CAP2: variants seen among roughly 807,000 people sequenced by gnomAD.
CAP2 encodes the protein adenylyl cyclase-associated protein 2.
CAP2 carries 24 observed loss-of-function variants against 57.7 expected under a neutral mutation model. The observed-to-expected ratio is 0.42, with a 90% CI of 0.30 to 0.58. The LOEUF (loss-of-function observed/expected upper bound fraction) is 0.58. Ranked by LOEUF, CAP2 falls within the 20% of genes least tolerant of loss-of-function variation. The pLI is 0.22. For missense variants in CAP2, 501 were observed against 590.3 expected (o/e 0.85, Z 1.57); for synonymous variants, 194 against 207.2 (o/e 0.94, Z 0.55).
At chr6:17,534,591 G>A (rs1486720685) in intron 7 of CAP2, among the ~76,000 whole-genome samples, 1 of 152,158 alleles carries the variant, frequency 6.6e-6, no homozygotes. Context: ...AACTCAGATT[G>A]TAAAGGATAC....
At chr6:17,538,285 C>CAA (rs796567154) in intron 7 of CAP2, among the ~76,000 whole-genome samples, 2 of 135,826 alleles carry the variant, frequency 1.5e-5, no homozygotes, top group African/African-American at 2.7e-5. Flanking sequence ...CCTCATCTCT[C>CAA]AAAAAAAAAA....
intron 4 of CAP2, among the ~76,000 whole-genome samples, chr6:17,467,070 A>G (rs760281321): frequency 2.6e-5 from 4 of 152,164 alleles, no homozygotes; most frequent in Non-Finnish European, 4.4e-5. Flanking sequence ...AGAACCTTCC[A>G]GGGAGTCCCT....
chr6:17,443,279 G>A (rs1349337851), intron 3 of CAP2, among the ~76,000 whole-genome samples: 1 of 152,084 alleles, frequency 6.6e-6, no homozygotes, highest in Non-Finnish European at 1.5e-5. Context: ...TATGCTTTTA[G>A]AGGATTGTTT....
chr6:17,415,609 A>G (rs1349131192), intron 1 of CAP2, among the ~76,000 whole-genome samples: 1 of 152,208 alleles, frequency 6.6e-6, no homozygotes, highest in Non-Finnish European at 1.5e-5. Flanking sequence ...TTCTCTAGGT[A>G]TAGGGCACCA....
intron 12 of CAP2, among the ~76,000 whole-genome samples, chr6:17,554,449 G>A (rs1763247311): frequency 2.6e-5 from 4 of 152,212 alleles, no homozygotes; most frequent in Admixed American, 2.6e-4. Context: ...TATACAGTGG[G>A]GTCTCGCTAT....
chr6:17,437,529 C>T (rs899806936), intron 3 of CAP2, among the ~76,000 whole-genome samples: 7 of 152,134 alleles, frequency 4.6e-5, no homozygotes, highest in Admixed American at 1.3e-4. Context: ...ATTTCTGTGT[C>T]GTTTTCAATT....
At chr6:17,468,222 G>A (rs1760924677) in intron 4 of CAP2, among the ~76,000 whole-genome samples, 1 of 152,058 alleles carries the variant, frequency 6.6e-6, no homozygotes. Context: ...GCAGAAGCCG[G>A]ATAAAGGATT....
At chr6:17,465,093 C>A (rs1202799553) in intron 4 of CAP2, among the ~76,000 whole-genome samples, 1 of 152,220 alleles carries the variant, frequency 6.6e-6, no homozygotes, top group Non-Finnish European at 1.5e-5. Flanking sequence ...CCAGCATGAG[C>A]CATAGTCAGG....
chr6:17,414,458 T>C (rs2113522604), intron 1 of CAP2, among the ~76,000 whole-genome samples: 1 of 152,196 alleles, frequency 6.6e-6, no homozygotes, highest in Non-Finnish European at 1.5e-5. Context: ...TTTGTGTCCA[T>C]GTATTCTCAA....
intron 4 of CAP2, among the ~76,000 whole-genome samples, chr6:17,494,058 T>A (rs778539208): frequency 6.3e-4 from 96 of 152,262 alleles, no homozygotes; most frequent in Non-Finnish European, 3.8e-4. Flanking sequence ...CAATCTCCAC[T>A]ACATTCACTC....
intron 4 of CAP2, 28 bp downstream of exon 4, chr6:17,463,101 G>A (rs376763640): frequency 1.1e-5 from 16 of 1,507,432 alleles, no homozygotes; most frequent in Non-Finnish European, 1.5e-5. Context: ...GAGGGAAGGT[G>A]TCCCAGGGTA....
At chr6:17,437,235 C>A (rs954069277) in intron 3 of CAP2, among the ~76,000 whole-genome samples, 4 of 152,102 alleles carry the variant, frequency 2.6e-5, no homozygotes, top group African/African-American at 9.7e-5. Flanking sequence ...GAAATTGACC[C>A]TTGGTGCCAA....
At chr6:17,508,010 A>C (rs1251879555) in intron 6 of CAP2, among the ~76,000 whole-genome samples, 1 of 152,162 alleles carries the variant, frequency 6.6e-6, no homozygotes. Context: ...CACAATAATC[A>C]GAGAGCTTGG....
rs1762437582 is a variant in CAP2, at chr6:17,523,578, A to G, written c.636+9624A>G. Among the ~76,000 whole-genome samples, 10 of 152,360 alleles carry G rather than the reference A, an allele frequency of 6.6e-5. No individual in the cohort carries two copies. The South Asian group carries it at 2.1e-3, about 32-fold the overall frequency. ...AACCTTGGAAAACACTATTATTTCA[A>G]GAATGGGGTAAACTAATCAAGGAGA... is the stretch of plus-strand genomic sequence containing the variant. On this transcript the variant is annotated intron_variant, in intron 7 of 12. Transcript: ENST00000229922.
At chr6:17,405,818 A>G (rs1220215879) in intron 1 of CAP2, among the ~76,000 whole-genome samples, 1 of 152,104 alleles carries the variant, frequency 6.6e-6, no homozygotes, top group Non-Finnish European at 1.5e-5. Flanking sequence ...TTGGCTCGCT[A>G]CAGCCTCGAC....
intron 3 of CAP2, among the ~76,000 whole-genome samples, chr6:17,451,213 G>C (rs894786168): frequency 7.3e-6 from 1 of 136,316 alleles, no homozygotes; most frequent in Non-Finnish European, 1.5e-5. Context: ...GATTTTAGAG[G>C]AAAGGAAATC....
At chr6:17,399,504 T>C (rs1758756071) in intron 1 of CAP2, among the ~76,000 whole-genome samples, 1 of 152,196 alleles carries the variant, frequency 6.6e-6, no homozygotes, top group Non-Finnish European at 1.5e-5. Context: ...TATACAGCCC[T>C]ATACAGAAAG....
intron 1 of CAP2, among the ~76,000 whole-genome samples, chr6:17,404,737 C>T (rs573522049): frequency 5.4e-4 from 80 of 148,050 alleles, no homozygotes; most frequent in African/African-American, 1.6e-3. Flanking sequence ...CGCCACTGCA[C>T]TCCAGCCTGG....
intron 4 of CAP2, among the ~76,000 whole-genome samples, chr6:17,484,005 A>G (rs1443652309): frequency 1.3e-5 from 2 of 151,844 alleles, no homozygotes; most frequent in Non-Finnish European, 2.9e-5. Context: ...AGTCCCAGAG[A>G]GCAGAGTGGC....
Sources: allele counts gnomAD v4.1 joint callset (sites outside exome capture counted in the v4.1 genomes callset), GRCh38; gene constraint gnomAD v4.1.1; transcripts MANE v1.5; gene names NCBI Gene and HGNC (gene_info 2026-07-23, HGNC 2026-07-21).